FBXW7: variants seen among roughly 807,000 people sequenced by gnomAD.
The protein encoded by FBXW7 is F-box and WD repeat domain containing 7.
Under a neutral mutation model 86.3 loss-of-function variants are expected in FBXW7, and 11 were observed. That is an observed-to-expected ratio of 0.13 (90% CI 0.08 to 0.21). FBXW7 has a LOEUF of 0.21. Ranked by LOEUF, FBXW7 falls within the 10% of genes least tolerant of loss-of-function variation. The pLI, the probability that FBXW7 is intolerant of heterozygous loss-of-function variation, is 1.00. For missense variants in FBXW7, 488 were observed against 847.4 expected (o/e 0.58, Z 5.27); for synonymous variants, 313 against 297.9 (o/e 1.05, Z -0.52).
At chr4:152,476,019 T>C (rs990056937) in intron 2 of FBXW7, among the ~76,000 whole-genome samples, 1 of 152,158 alleles carries the variant, frequency 6.6e-6, no homozygotes, top group Non-Finnish European at 1.5e-5. Flanking sequence ...AAAGGTACTA[T>C]AATATCCAAA....
At chr4:152,366,469 T>C (rs998102233) in intron 4 of FBXW7, among the ~76,000 whole-genome samples, 29 of 152,190 alleles carry the variant, frequency 1.9e-4, no homozygotes, top group African/African-American at 6.5e-4. Flanking sequence ...AGACAGTATT[T>C]TGTACCTCCA....
chr4:152,442,099 C>T (rs564839639), intron 2 of FBXW7, among the ~76,000 whole-genome samples: 1 of 152,148 alleles, frequency 6.6e-6, no homozygotes, highest in Non-Finnish European at 1.5e-5. Context: ...AAAGATATTG[C>T]TTATAATATA....
chr4:152,491,390 T>C (rs988978785), intron 2 of FBXW7, among the ~76,000 whole-genome samples: 1 of 152,166 alleles, frequency 6.6e-6, no homozygotes, highest in Non-Finnish European at 1.5e-5. Context: ...AACTTAGGCT[T>C]AGTCTAGTGT....
At chr4:152,503,372 G>A (rs929362360) in intron 2 of FBXW7, among the ~76,000 whole-genome samples, 4 of 151,956 alleles carry the variant, frequency 2.6e-5, no homozygotes, top group Non-Finnish European at 5.9e-5. Context: ...CCAGGTTCAA[G>A]TGATTCTCCT....
chr4:152,475,549 GAAATA>G (rs1425226153), intron 2 of FBXW7, among the ~76,000 whole-genome samples: 1 of 152,038 alleles, frequency 6.6e-6, no homozygotes, highest in Non-Finnish European at 1.5e-5. Context: ...GAAAGGAAAT[GAAATA>G]AAAGGTATAC....
chr4:152,520,606 G>T (rs1353694604), intron 2 of FBXW7, among the ~76,000 whole-genome samples: 1 of 152,040 alleles, frequency 6.6e-6, no homozygotes, highest in East Asian at 1.9e-4. Context: ...TGTGCAAAGG[G>T]GACCAGTCCT....
At chr4:152,477,534 G>A (rs1039071243) in intron 2 of FBXW7, among the ~76,000 whole-genome samples, 1 of 151,978 alleles carries the variant, frequency 6.6e-6, no homozygotes, top group African/African-American at 2.4e-5. Context: ...AAATTTGGGG[G>A]AAAAAATAGT....
intron 4 of FBXW7, among the ~76,000 whole-genome samples, chr4:152,398,461 T>C (rs1243058803): frequency 6.6e-6 from 1 of 152,052 alleles, no homozygotes; most frequent in Non-Finnish European, 1.5e-5. Flanking sequence ...TTTGAATTAC[T>C]ATCCATATTA....
chr4:152,387,498 T>C (rs1326595910), intron 4 of FBXW7, among the ~76,000 whole-genome samples: 1 of 151,770 alleles, frequency 6.6e-6, no homozygotes, highest in East Asian at 1.9e-4. Flanking sequence ...ATGAACGCAA[T>C]TCATGGTTGA....
At chr4:152,470,255 A>G (rs1051594771) in intron 2 of FBXW7, among the ~76,000 whole-genome samples, 5 of 152,148 alleles carry the variant, frequency 3.3e-5, no homozygotes, top group African/African-American at 1.2e-4. Context: ...TAGACCATGT[A>G]AAGAATGAGC....
chr4:152,503,314 T>A (rs1211517571), intron 2 of FBXW7, among the ~76,000 whole-genome samples: 8 of 152,046 alleles, frequency 5.3e-5, no homozygotes, highest in Admixed American at 5.2e-4. Context: ...TCTGTTGCCC[T>A]GGCTGGAGTG....
At chr4:152,503,301 C>A (rs752496462) in intron 2 of FBXW7, among the ~76,000 whole-genome samples, 1 of 151,670 alleles carries the variant, frequency 6.6e-6, no homozygotes, top group African/African-American at 2.4e-5. Flanking sequence ...GAGACAGTCT[C>A]GCTCTGTTGC....
At chr4:152,491,614 A>G (rs887049089) in intron 2 of FBXW7, among the ~76,000 whole-genome samples, 1 of 152,182 alleles carries the variant, frequency 6.6e-6, no homozygotes, top group African/African-American at 2.4e-5. Context: ...GAATCAGGGT[A>G]CGATTCACAG....
chr4:152,341,645 T>C (rs1473402272), intron 6 of FBXW7, among the ~76,000 whole-genome samples: 1 of 152,202 alleles, frequency 6.6e-6, no homozygotes. Context: ...CTCAACTCTA[T>C]CTCTAGAGAG....
At chr4:152,323,289 CT>C in intron 13 of FBXW7, 140 bp from the exon 14 acceptor site, 1 of 1,034,934 alleles carries the variant, frequency 9.7e-7, no homozygotes, top group South Asian at 1.7e-5. Flanking sequence ...AACCCATGTC[CT>C]CAGTATTTTA....
intron 2 of FBXW7, among the ~76,000 whole-genome samples, chr4:152,451,945 C>T (rs980161681): frequency 3.9e-5 from 6 of 152,050 alleles, no homozygotes; most frequent in African/African-American, 1.4e-4. Flanking sequence ...TCCTGAGACA[C>T]TTACATGGAG....
intron 4 of FBXW7, among the ~76,000 whole-genome samples, chr4:152,388,362 T>C (rs2126801028): frequency 6.6e-6 from 1 of 152,234 alleles, no homozygotes; most frequent in Non-Finnish European, 1.5e-5. Flanking sequence ...GACCTGATAA[T>C]TGGACATTTG....
At chr4:152,337,742 T>A (rs1166116414) in intron 7 of FBXW7, 60 bp downstream of exon 7, 1 of 1,503,580 alleles carries the variant, frequency 6.7e-7, no homozygotes, top group Non-Finnish European at 9.0e-7. Flanking sequence ...TTAAAGGTGG[T>A]AGCTGTTGAG....
rs556604167 is a variant in FBXW7, at chr4:152,456,878, G to C, written c.-119-44349C>G. 2.0e-5 allele frequency among the ~76,000 whole-genome samples: 3 copies of C among 152,120 alleles called. No homozygotes were observed. The South Asian group carries it at 6.2e-4, about 32-fold the overall frequency. On this transcript the variant is annotated intron_variant, in intron 2 of 13. Transcript: ENST00000281708. ...GCCATTCCACTCATAGCAGAAATAA[G>C]AGCACAAGTCCACATAAAAAACCAT...
Sources: allele counts gnomAD v4.1 joint callset (sites outside exome capture counted in the v4.1 genomes callset), GRCh38; gene constraint gnomAD v4.1.1; transcripts MANE v1.5; gene names NCBI Gene and HGNC (gene_info 2026-07-23, HGNC 2026-07-21).